PPP4R1: variants seen among roughly 807,000 people sequenced by gnomAD.
PPP4R1 encodes serine/threonine-protein phosphatase 4 regulatory subunit 1.
A neutral mutation model predicts 111.2 loss-of-function variants in PPP4R1; 42 were observed. The observed-to-expected ratio is 0.38, with a 90% CI of 0.29 to 0.49. The LOEUF (loss-of-function observed/expected upper bound fraction) is 0.49. Among genes scored for constraint, PPP4R1 ranks in the 20% least tolerant of loss-of-function variants. The probability of loss-of-function intolerance (pLI) is 0.97; values close to 1 mark genes in which losing one functional copy is unlikely to be tolerated. For missense variants in PPP4R1, 1,012 were observed against 1,161.6 expected (o/e 0.87, Z 1.87); for synonymous variants, 409 against 405.5 (o/e 1.01, Z -0.10).
chr18:9,616,416 A>G (rs2067689003), upstream of PPP4R1, among the ~76,000 whole-genome samples: 2 of 152,110 alleles, frequency 1.3e-5, no homozygotes, highest in African/African-American at 4.8e-5. Flanking sequence ...AACTAAAGGC[A>G]CAGGCCACTC....
rs558485390 is a variant in PPP4R1, at chr18:9,556,666, T to G, written c.2190+555A>C. Among the ~76,000 whole-genome samples the G allele has an allele frequency of 3.9e-5, 6 of 152,316 alleles. No individual in the cohort carries two copies. In the South Asian group the frequency reaches 1.2e-3, roughly 32 times the overall value. On this transcript the variant is annotated intron_variant, in intron 15 of 19. Transcript: ENST00000400556. ...GACCACAGCTCCTCTATCAAAGTAG[T>G]GAGGGCTAAACGTAAATTCTCAAGA...
chr18:9,566,202 C>T (rs140624010), intron 11 of PPP4R1, among the ~76,000 whole-genome samples: 17,613 of 151,834 alleles, frequency 0.12, 1,245 homozygotes, highest in Middle Eastern at 0.25. Flanking sequence ...TGAGCCACCT[C>T]GCCCGGCCCA....
At chr18:9,599,745 G>A (rs2067349446) in intron 2 of PPP4R1, 1 of 152,094 alleles carries the variant, frequency 6.6e-6, no homozygotes, top group Admixed American at 6.5e-5. Context: ...CCTTTATAAA[G>A]GCTGTAGAAT....
chr18:9,604,469 A>G (rs1416451277), intron 2 of PPP4R1, among the ~76,000 whole-genome samples: 1 of 152,072 alleles, frequency 6.6e-6, no homozygotes, highest in African/African-American at 2.4e-5. Context: ...TCTGGCCCCA[A>G]CCTAGTTTCC....
chr18:9,575,890 AAC>A (rs1471538202), intron 10 of PPP4R1, among the ~76,000 whole-genome samples: 1 of 152,260 alleles, frequency 6.6e-6, no homozygotes, highest in Non-Finnish European at 1.5e-5. Context: ...GAAGTTATGT[AAC>A]AGTCTTCAGT....
chr18:9,569,615 G>A (rs375542214), intron 11 of PPP4R1, among the ~76,000 whole-genome samples: 7 of 152,264 alleles, frequency 4.6e-5, no homozygotes, highest in East Asian at 3.9e-4. Flanking sequence ...GGAATGCAAC[G>A]ATGAGCCTAT....
chr18:9,610,869 C>T (rs1598970797), intron 2 of PPP4R1, among the ~76,000 whole-genome samples: 2 of 66,500 alleles, frequency 3.0e-5, no homozygotes, highest in South Asian at 1.2e-3. Context: ...ATTATGTGTA[C>T]ACACACACAC....
At chr18:9,614,901 C>T (rs994394620), upstream of PPP4R1, 3 of 151,018 alleles carry the variant, frequency 2.0e-5, no homozygotes, top group Non-Finnish European at 4.4e-5. The surrounding 1 kb of genome is among the most constrained non-coding windows in gnomAD (Gnocchi z 4.1). Flanking sequence ...CGGGCGGGGC[C>T]TCCCGCGGCC....
chr18:9,549,428 G>C, intron 18 of PPP4R1, 90 bp from the exon 19 acceptor site: 1 of 1,479,022 alleles, frequency 6.8e-7, no homozygotes, highest in Non-Finnish European at 9.2e-7. Flanking sequence ...GTGACCACAG[G>C]TACAAATTTT....
At chr18:9,562,210 A>G (rs1479048897) in intron 12 of PPP4R1, 135 bp from the exon 13 acceptor site, 7 of 647,004 alleles carry the variant, frequency 1.1e-5, no homozygotes, top group Non-Finnish European at 1.8e-5. Context: ...TTAAAAGCTT[A>G]TAAACATACC....
chr18:9,589,780 C>A (rs2067180918), intron 4 of PPP4R1: 1 of 152,222 alleles, frequency 6.6e-6, no homozygotes. Context: ...TGCCTGTAAT[C>A]CCAGCTACTC....
At chr18:9,563,218 G>C in intron 12 of PPP4R1, 160 bp downstream of exon 12, 1 of 1,205,684 alleles carries the variant, frequency 8.3e-7, no homozygotes, top group South Asian at 1.7e-5. Flanking sequence ...CACGAGGACA[G>C]GATGTGATGA....
chr18:9,601,992 G>A (rs2067390857), intron 2 of PPP4R1, among the ~76,000 whole-genome samples: 2 of 152,096 alleles, frequency 1.3e-5, no homozygotes, highest in Non-Finnish European at 2.9e-5. Context: ...CATCAGGAAG[G>A]AAGATGACAA....
At chr18:9,566,022 T>A (rs1013826156) in intron 11 of PPP4R1, among the ~76,000 whole-genome samples, 3 of 152,040 alleles carry the variant, frequency 2.0e-5, no homozygotes, top group Non-Finnish European at 2.9e-5. Flanking sequence ...GCAATTCTCC[T>A]GCCCCAGCCT....
At chr18:9,606,002 A>G (rs1317402769) in intron 2 of PPP4R1, among the ~76,000 whole-genome samples, 1 of 152,220 alleles carries the variant, frequency 6.6e-6, no homozygotes, top group East Asian at 1.9e-4. Context: ...AATTCAGGTG[A>G]AGAGTTGGGA....
At chr18:9,555,595 T>G (rs1279984435) in intron 15 of PPP4R1, among the ~76,000 whole-genome samples, 1 of 152,084 alleles carries the variant, frequency 6.6e-6, no homozygotes, top group Admixed American at 6.5e-5. Context: ...ATGTGGCACA[T>G]TCAGAAAAAT....
At chr18:9,563,258 T>TAA in intron 12 of PPP4R1, 120 bp downstream of exon 12, 2 of 1,312,850 alleles carry the variant, frequency 1.5e-6, no homozygotes, top group Non-Finnish European at 2.0e-6. Context: ...AACGAAGAGC[T>TAA]AAAAAATCAG....
intron 15 of PPP4R1, among the ~76,000 whole-genome samples, chr18:9,555,873 A>G (rs549644305): frequency 2.3e-4 from 35 of 152,252 alleles, no homozygotes; most frequent in Admixed American, 9.1e-4. Context: ...ATGGTGGCTC[A>G]CGCCTGTAAT....
rs1457513541 is a variant in PPP4R1 at position 9,614,400 on chromosome 18, G to A, written c.7+78C>T. 2.0e-6 allele frequency: 2 copies of A among 995,050 alleles called. No individual in the cohort carries two copies. Among genetic ancestry groups the A allele is most frequent in the East Asian group, 1.1e-4 (1 of 9,340 alleles). The allele number at this position is 995,050 out of a possible 1,614,324, so 61.6% of individuals were successfully genotyped here. ...CGGGACCCCACGCCGGCCCCGGCCCGGCAGCCACTCAGGGCTGCGGCGGAG... is the reference window on the plus strand; with the variant it reads ...CGGGACCCCACGCCGGCCCCGGCCCAGCAGCCACTCAGGGCTGCGGCGGAG... On this transcript the variant is annotated intron_variant, in intron 1 of 19. Transcript: ENST00000400556. The surrounding 1 kb of genome is among the most constrained non-coding windows in gnomAD (Gnocchi z 4.1).
Sources: allele counts gnomAD v4.1 joint callset (sites outside exome capture counted in the v4.1 genomes callset), GRCh38; gene constraint gnomAD v4.1.1; non-coding constraint Gnocchi (gnomAD v3.1); transcripts MANE v1.5; gene names NCBI Gene and HGNC (gene_info 2026-07-23, HGNC 2026-07-21).